XPO1: variants seen among roughly 807,000 people sequenced by gnomAD.
The protein encoded by XPO1 is exportin-1.
In XPO1, 5 loss-of-function variants were observed where a neutral mutation model predicts 133.3. The ratio of observed to expected loss-of-function variants is 0.04; its 90% CI spans 0.02 to 0.08. The LOEUF is 0.08. Among genes scored for constraint, XPO1 ranks in the 10% least tolerant of loss-of-function variants. XPO1 has a pLI of 1.00. For missense variants in XPO1, 506 were observed against 1,267.5 expected, an observed-to-expected ratio of 0.40 and a Z score of 9.12; for synonymous variants, 419 against 408.2, an observed-to-expected ratio of 1.03 and a Z score of -0.32.
rs191020530 is a variant in XPO1, at chr2:61,517,346, T to C, written c.301+5265A>G. Among the ~76,000 whole-genome samples, 7 of 152,276 alleles carry C rather than the reference T, an allele frequency of 4.6e-5. No individual in the cohort carries two copies. The East Asian group carries it at 1.2e-3, about 25-fold the overall frequency. On this transcript the variant is annotated intron_variant, in intron 4 of 24. Coordinates refer to ENST00000401558, the MANE Select transcript of XPO1 (RefSeq NM_003400.4). The stretch of plus-strand genomic sequence containing the variant: ...TACCTGTAACCCCAGCACTTTGGGA[T>C]GCTGAGGTTGGAGCATCACTTGAGG...
At chr2:61,485,545 G>C (rs62151769) in intron 20 of XPO1, 2 of 225,638 alleles carry the variant, frequency 8.9e-6, no homozygotes, top group African/African-American at 4.8e-5. Flanking sequence ...GTTACTTTTT[G>C]AACTTTTTGT....
chr2:61,509,357 G>A (rs1697977491), intron 4 of XPO1, among the ~76,000 whole-genome samples: 1 of 152,056 alleles, frequency 6.6e-6, no homozygotes, highest in African/African-American at 2.4e-5. Flanking sequence ...AAATGCTCAG[G>A]TTGGGTGAGA....
intron 1 of XPO1, chr2:61,536,723 G>C (rs1156663848): frequency 6.6e-6 from 1 of 152,228 alleles, no homozygotes; most frequent in African/African-American, 2.4e-5. Context: ...GCCCTTACTC[G>C]GAGGAGGCAT....
intron 4 of XPO1, among the ~76,000 whole-genome samples, chr2:61,515,302 TAAAGG>T (rs1698315927): frequency 6.6e-6 from 1 of 152,118 alleles, no homozygotes; most frequent in Admixed American, 6.6e-5. Context: ...CAATATCAAT[TAAAGG>T]AAACATGTTA....
At chr2:61,514,362 G>C (rs768633734) in intron 4 of XPO1, among the ~76,000 whole-genome samples, 1 of 152,114 alleles carries the variant, frequency 6.6e-6, no homozygotes, top group Non-Finnish European at 1.5e-5. Flanking sequence ...GGAGGCTGAG[G>C]TGGGCTGATT....
chr2:61,537,404 C>G (rs1190647083), intron 1 of XPO1, among the ~76,000 whole-genome samples, 158 bp downstream of exon 1: 1 of 149,514 alleles, frequency 6.7e-6, no homozygotes, highest in East Asian at 1.9e-4. Context: ...TCCATTCAAT[C>G]GCAGGCTCCG....
At chr2:61,516,595 G>C (rs917248497) in intron 4 of XPO1, among the ~76,000 whole-genome samples, 26 of 151,780 alleles carry the variant, frequency 1.7e-4, no homozygotes, top group African/African-American at 6.3e-4. Flanking sequence ...TGTATTTGTA[G>C]TAGAGATGGG....
chr2:61,488,069 G>T, intron 19 of XPO1, 96 bp downstream of exon 19: 1 of 1,054,748 alleles, frequency 9.5e-7, no homozygotes, highest in Non-Finnish European at 1.4e-6. Context: ...AAGTTGATAT[G>T]CTTTAAATTA....
intron 9 of XPO1, among the ~76,000 whole-genome samples, chr2:61,497,358 C>T (rs970831851): frequency 1.3e-5 from 2 of 152,052 alleles, no homozygotes; most frequent in African/African-American, 4.8e-5. Flanking sequence ...ACTACACATG[C>T]ATGCCACCAC....
At chr2:61,526,245 A>T (rs1698900355) in intron 3 of XPO1, 175 bp downstream of exon 3, 2 of 1,408,236 alleles carry the variant, frequency 1.4e-6, no homozygotes, top group Admixed American at 3.4e-5. Context: ...TTCATTCATA[A>T]TTCTTAGGAC....
intron 2 of XPO1, among the ~76,000 whole-genome samples, chr2:61,528,733 TTATATATATATATATA>T (rs10528074): frequency 0.016 from 1,909 of 115,760 alleles, 64 homozygotes; most frequent in African/African-American, 0.055. Flanking sequence ...GACATTTTAT[TTATATATATATATATA>T]TATATATATA....
rs1698878464 is a variant in XPO1 at position 61,525,620 on chromosome 2, A to G, written c.228+800T>C. On this transcript the variant is annotated intron_variant, in intron 3 of 24. Coordinates refer to ENST00000401558, the MANE Select transcript of XPO1 (RefSeq NM_003400.4). ...GTCAGTATAAAAAGCAAAATTTACC[A>G]GGCAAGCAAACAGGCAAACACTGTT... is the stretch of plus-strand genomic sequence containing the variant. 8 of 1,021,186 alleles carry G rather than the reference A, an allele frequency of 7.8e-6. No homozygotes were observed. In the South Asian group the frequency reaches 3.7e-4, roughly 47 times the overall value. 63.3% of individuals were successfully genotyped at this position (1,021,186 alleles called of 1,614,324 possible). A position where few individuals can be genotyped will look rare whatever the true frequency, so the allele number is the denominator to read the frequency against.
At chr2:61,528,134 C>T (rs1418723010) in intron 2 of XPO1, among the ~76,000 whole-genome samples, 6 of 151,874 alleles carry the variant, frequency 4.0e-5, no homozygotes, top group Non-Finnish European at 8.8e-5. Flanking sequence ...ACTGTATTGG[C>T]CAGGCTGGTC....
chr2:61,485,626 A>G (rs1034159590), intron 20 of XPO1, 142 bp downstream of exon 20: 44 of 796,616 alleles, frequency 5.5e-5, no homozygotes, highest in Non-Finnish European at 7.5e-5. Context: ...GAAAACCAAG[A>G]AAGTATTTCC....
intron 20 of XPO1, 73 bp from the exon 21 acceptor site, chr2:61,484,178 G>A: frequency 7.6e-7 from 1 of 1,312,976 alleles, no homozygotes; most frequent in Non-Finnish European, 1.1e-6. Flanking sequence ...GAAAAGCAAG[G>A]CTTAATCCAG....
chr2:61,496,758 G>A (rs1697260550), intron 10 of XPO1, 121 bp downstream of exon 10: 3 of 1,165,368 alleles, frequency 2.6e-6, no homozygotes, highest in Admixed American at 4.0e-5. Context: ...CAAATTTTAT[G>A]TAATAAACAA....
intron 22 of XPO1, 180 bp from the exon 23 acceptor site, chr2:61,482,719 C>A: frequency 1.4e-6 from 1 of 739,802 alleles, no homozygotes; most frequent in Non-Finnish European, 2.1e-6. Context: ...CATTCTCCTG[C>A]CTCAGCCTCC....
chr2:61,488,911 A>G (rs915173161), intron 17 of XPO1, 140 bp from the exon 18 acceptor site: 3 of 863,016 alleles, frequency 3.5e-6, no homozygotes, highest in Non-Finnish European at 5.3e-6. Context: ...ACCATCCTGG[A>G]TAACACGGTG....
rs1697542393 is a variant in XPO1, at chr2:61,501,822, T to C, written c.408+174A>G. ...GATGGCTTTAACGTTATTTGATGAT[T>C]ACTGCCACAGCAAATTAACATTCAA... On this transcript the variant is annotated intron_variant, in intron 6 of 24. Coordinates refer to ENST00000401558, the MANE Select transcript of XPO1 (RefSeq NM_003400.4). 3.3e-5 allele frequency among the ~76,000 whole-genome samples: 5 copies of C among 152,162 alleles called. No homozygotes were observed. In the South Asian group the frequency reaches 1.0e-3, roughly 32 times the overall value.
Sources: allele counts gnomAD v4.1 joint callset (sites outside exome capture counted in the v4.1 genomes callset), GRCh38; gene constraint gnomAD v4.1.1; transcripts MANE v1.5; gene names NCBI Gene and HGNC (gene_info 2026-07-23, HGNC 2026-07-21).